Variants in KCND2 observed in about 807,000 individuals in gnomAD.
The protein encoded by KCND2 is A-type voltage-gated potassium channel KCND2.
In KCND2, 16 loss-of-function variants were observed where a neutral mutation model predicts 54.4. That is an observed-to-expected ratio of 0.29 (90% CI 0.20 to 0.45). The LOEUF (loss-of-function observed/expected upper bound fraction) is 0.45. KCND2 is among the 20% of genes least tolerant of loss of function. KCND2 has a pLI of 1.00. For synonymous variants in KCND2, 317 were observed against 310.7 expected (o/e 1.02, Z -0.21); for missense variants, 486 against 824.2 (o/e 0.59, Z 5.02).
At chr7:120,464,825 C>T (rs1461082199) in intron 1 of KCND2, among the ~76,000 whole-genome samples, 1 of 152,186 alleles carries the variant, frequency 6.6e-6, no homozygotes. Flanking sequence ...CGTCCATCTT[C>T]AAAGCCAGCA....
At chr7:120,440,115 C>G (rs1563046849) in intron 1 of KCND2, among the ~76,000 whole-genome samples, 1 of 151,954 alleles carries the variant, frequency 6.6e-6, no homozygotes. Flanking sequence ...TTCCTACCAA[C>G]AGTATATGAG....
chr7:120,408,658 G>A (rs529619523), intron 1 of KCND2, among the ~76,000 whole-genome samples: 3 of 151,776 alleles, frequency 2.0e-5, no homozygotes, highest in Non-Finnish European at 2.9e-5. Context: ...GAGTCATTGT[G>A]ATCAACACTC....
chr7:120,319,763 T>C (rs1338105392), intron 1 of KCND2, among the ~76,000 whole-genome samples: 2 of 152,178 alleles, frequency 1.3e-5, no homozygotes, highest in Non-Finnish European at 2.9e-5. Context: ...GTAATTATGG[T>C]ATTTTTTCCA....
At chr7:120,625,141 C>G (rs766625898) in intron 1 of KCND2, among the ~76,000 whole-genome samples, 1 of 152,054 alleles carries the variant, frequency 6.6e-6, no homozygotes, top group Non-Finnish European at 1.5e-5. Context: ...TAAAATTAAC[C>G]GAGGAGTAGG....
At position 120,351,238 on chromosome 7, in the gene KCND2, A is replaced by ATG. The variant is rs377729206; in HGVS notation, c.1115+75497_1115+75498dup. On this transcript the variant is annotated intron_variant, in intron 1 of 5. Transcript: ENST00000331113. ...CAATACCATCATATTATATATTTATATGTGTGTATATATATATATATATAT... is the reference window on the plus strand; with the variant it reads ...CAATACCATCATATTATATATTTATATGTGTGTGTATATATATATATATATAT... Among the ~76,000 whole-genome samples the ATG allele has an allele frequency of 3.9e-3, 249 of 64,578 alleles. 2 individuals carry two copies. Among genetic ancestry groups the ATG allele is most frequent in the African/African-American group, 7.3e-3 (183 of 25,064 alleles). 42.4% of individuals were successfully genotyped at this position (64,578 alleles called of 152,430 possible).
intron 1 of KCND2, among the ~76,000 whole-genome samples, chr7:120,495,895 T>C (rs543210329): frequency 7.2e-5 from 11 of 152,262 alleles, no homozygotes; most frequent in African/African-American, 2.6e-4. Context: ...ATCATATGGT[T>C]GTTTAACAGG....
chr7:120,732,881 A>G, intron 1 of KCND2, 22 bp from the exon 2 acceptor site: 4 of 1,594,796 alleles, frequency 2.5e-6, no homozygotes, highest in Non-Finnish European at 3.4e-6. Flanking sequence ...AACAATATAT[A>G]TATATTTTTT....
intron 1 of KCND2, among the ~76,000 whole-genome samples, chr7:120,535,257 G>T (rs1332294540): frequency 1.3e-5 from 2 of 152,078 alleles, no homozygotes; most frequent in Admixed American, 1.3e-4. Context: ...CATAGCTTCA[G>T]AACGTAAGTT....
intron 1 of KCND2, among the ~76,000 whole-genome samples, chr7:120,408,276 A>G (rs544227266): frequency 9.9e-5 from 15 of 152,062 alleles, no homozygotes; most frequent in Non-Finnish European, 1.9e-4. Flanking sequence ...GGAACAGTGC[A>G]GGAAGACGAA....
chr7:120,275,685 T>A lies in KCND2; in HGVS notation c.1053T>A (p.Ala351=), dbSNP rs563342892. 6.9e-6 allele frequency: 11 copies of A among 1,602,322 alleles called. No individual in the cohort carries two copies. In the South Asian group the frequency reaches 1.2e-4, roughly 18 times the overall value. ...VMFYAEKGSS[A]SKFTSIPAAF... Reference sequence around the variant, plus strand: ...TCTACGCAGAGAAGGGGTCTTCGGCTAGCAAGTTCACCAGCATCCCTGCAG... The same window carrying A: ...TCTACGCAGAGAAGGGGTCTTCGGCAAGCAAGTTCACCAGCATCCCTGCAG... Residue 351 remains alanine, a synonymous_variant, in exon 1 of 6, where the codon GCT becomes GCA. Coordinates refer to ENST00000331113, the MANE Select transcript of KCND2 (RefSeq NM_012281.3).
At chr7:120,413,183 A>G (rs534974528) in intron 1 of KCND2, among the ~76,000 whole-genome samples, 1 of 152,130 alleles carries the variant, frequency 6.6e-6, no homozygotes, top group South Asian at 2.1e-4. Context: ...TATAATTGAT[A>G]GTGGCTAATT....
At position 120,707,269 on chromosome 7, in the gene KCND2, C is replaced by T. The variant is rs186467198; in HGVS notation, c.1116-25634C>T. 2.6e-5 allele frequency among the ~76,000 whole-genome samples: 4 copies of T among 152,184 alleles called. No homozygotes were observed. The East Asian group carries it at 5.8e-4, about 22-fold the overall frequency. ...CCAATGCCAGGTGATTTATAATACA[C>T]TTATATAACAATACAAATTTTAGCA... is the stretch of plus-strand genomic sequence containing the variant. On this transcript the variant is annotated intron_variant, in intron 1 of 5. Transcript: ENST00000331113.
chr7:120,447,625 G>A (rs956508800), intron 1 of KCND2, among the ~76,000 whole-genome samples: 2 of 151,854 alleles, frequency 1.3e-5, no homozygotes, highest in African/African-American at 2.4e-5. Flanking sequence ...CTATTTTTTT[G>A]TATTCTTACC....
chr7:120,701,534 G>A (rs111916356), intron 1 of KCND2, among the ~76,000 whole-genome samples: 6 of 152,110 alleles, frequency 3.9e-5, no homozygotes, highest in African/African-American at 1.4e-4. Flanking sequence ...GAGGCATCAC[G>A]CTACCCAAAT....
intron 1 of KCND2, among the ~76,000 whole-genome samples, chr7:120,697,321 G>GT (rs1246472445): frequency 1.3e-5 from 2 of 152,046 alleles, no homozygotes; most frequent in Non-Finnish European, 2.9e-5. Flanking sequence ...ATATTTTAAT[G>GT]TTTTTTCTTC....
intron 4 of KCND2, among the ~76,000 whole-genome samples, chr7:120,745,335 AACAG>A (rs1792992008): frequency 6.6e-6 from 1 of 152,202 alleles, no homozygotes; most frequent in African/African-American, 2.4e-5. Flanking sequence ...GCTAATATAT[AACAG>A]ACAATCTAAC....
At chr7:120,417,692 T>G (rs899082669) in intron 1 of KCND2, among the ~76,000 whole-genome samples, 6 of 152,222 alleles carry the variant, frequency 3.9e-5, no homozygotes, top group Admixed American at 6.5e-5. Context: ...CAATCTGGTT[T>G]TCTGAAACAT....
At chr7:120,485,153 G>A (rs1165200253) in intron 1 of KCND2, among the ~76,000 whole-genome samples, 1 of 152,134 alleles carries the variant, frequency 6.6e-6, no homozygotes, top group Non-Finnish European at 1.5e-5. Context: ...CTCCCAATGT[G>A]CTGAGTTTAT....
Position 120,535,372 on chromosome 7 carries a change from G to A in KCND2, c.1116-197531G>A, listed in dbSNP as rs183437677. On this transcript the variant is annotated intron_variant, in intron 1 of 5. Coordinates refer to ENST00000331113, the MANE Select transcript of KCND2 (RefSeq NM_012281.3). ...TTTCTTTGAAAAAAAGTAACTATAG[G>A]TAGACTATCTTACAGACCCTTATTT... Among the ~76,000 whole-genome samples, 771 of 152,064 alleles carry A rather than the reference G, an allele frequency of 5.1e-3. 6 individuals carry two copies. Among genetic ancestry groups the A allele is most frequent in the Admixed American group, 8.8e-3 (134 of 15,242 alleles).
Sources: allele counts gnomAD v4.1 joint callset (sites outside exome capture counted in the v4.1 genomes callset), GRCh38; gene constraint gnomAD v4.1.1; transcripts MANE v1.5; gene names NCBI Gene and HGNC (gene_info 2026-07-23, HGNC 2026-07-21).